HIBADH: variants seen among roughly 807,000 people sequenced by gnomAD.
HIBADH encodes the protein 3-hydroxyisobutyrate dehydrogenase, mitochondrial.
HIBADH carries 25 observed loss-of-function variants against 36.1 expected under a neutral mutation model. The observed-to-expected ratio is 0.69, with a 90% CI of 0.50 to 0.97. The LOEUF (loss-of-function observed/expected upper bound fraction) is 0.97, where lower values mean the gene tolerates loss of function less well. HIBADH is among the 50% of genes least tolerant of loss of function. The pLI is 0.00. For synonymous variants in HIBADH, 160 were observed against 149.5 expected, an observed-to-expected ratio of 1.07 and a Z score of -0.51; for missense variants, 421 against 418.0, an observed-to-expected ratio of 1.01 and a Z score of -0.06.
At chr7:27,588,953 C>T (rs1228835012) in intron 4 of HIBADH, among the ~76,000 whole-genome samples, 1 of 152,088 alleles carries the variant, frequency 6.6e-6, no homozygotes. Context: ...AGAGACCCGA[C>T]CACAGTTTTT....
chr7:27,587,984 G>A (rs1423857742), intron 4 of HIBADH, among the ~76,000 whole-genome samples: 5 of 152,192 alleles, frequency 3.3e-5, no homozygotes, highest in African/African-American at 4.8e-5. Flanking sequence ...GTCTGTTTAT[G>A]AATCATGCAA....
At chr7:27,615,926 TAG>T (rs1172083961) in intron 4 of HIBADH, among the ~76,000 whole-genome samples, 2 of 152,054 alleles carry the variant, frequency 1.3e-5, no homozygotes, top group African/African-American at 4.8e-5. Flanking sequence ...AGACAAGATG[TAG>T]AAGTGAAAGA....
chr7:27,649,765 G>A, intron 1 of HIBADH, 132 bp from the exon 2 acceptor site: 1 of 734,814 alleles, frequency 1.4e-6, no homozygotes, highest in Non-Finnish European at 2.1e-6. Context: ...AGGTGCAGTG[G>A]TGCACACCTA....
intron 4 of HIBADH, among the ~76,000 whole-genome samples, chr7:27,563,766 C>CT: frequency 6.6e-6 from 1 of 152,176 alleles, no homozygotes. Flanking sequence ...TTATTGTTGA[C>CT]TTTTGAGAAA....
At chr7:27,564,105 A>G (rs1244904743) in intron 4 of HIBADH, among the ~76,000 whole-genome samples, 3 of 151,998 alleles carry the variant, frequency 2.0e-5, no homozygotes, top group Non-Finnish European at 4.4e-5. Flanking sequence ...TCACCATGTT[A>G]GCCAGGATGG....
chr7:27,658,273 TAG>T lies in HIBADH; in HGVS notation c.91+4423_91+4424del, dbSNP rs1294713546. Among the ~76,000 whole-genome samples, 8 of 152,102 alleles carry T rather than the reference TAG, an allele frequency of 5.3e-5. 1 individual carries two copies. The East Asian group carries it at 1.5e-3, about 29-fold the overall frequency. On this transcript the variant is annotated intron_variant, in intron 1 of 7. Transcript: ENST00000265395. ...TTCTGACAGTAGTGCGTGGAAAAAG[TAG>T]AGTTAAAACATAAATAAAACCAAGC...
chr7:27,624,776 T>C (rs1356967635), intron 4 of HIBADH, among the ~76,000 whole-genome samples: 1 of 152,234 alleles, frequency 6.6e-6, no homozygotes, highest in Non-Finnish European at 1.5e-5. Context: ...TTATCTAATA[T>C]CTCTTGGTGT....
At chr7:27,613,667 T>TTTG (rs1554299062) in intron 4 of HIBADH, among the ~76,000 whole-genome samples, 4 of 50,298 alleles carry the variant, frequency 8.0e-5, no homozygotes, top group African/African-American at 2.4e-4. Context: ...TTTTTTTTGT[T>TTTG]TTTTTTTTTT....
At chr7:27,533,888 T>A (rs1459668771) in intron 6 of HIBADH, among the ~76,000 whole-genome samples, 4 of 152,214 alleles carry the variant, frequency 2.6e-5, no homozygotes, top group Non-Finnish European at 4.4e-5. Context: ...AAGAGCCCCA[T>A]TGCTGTTCAG....
intron 1 of HIBADH, among the ~76,000 whole-genome samples, chr7:27,661,583 C>T (rs1408530495): frequency 8.1e-4 from 29 of 35,886 alleles, no homozygotes; most frequent in Non-Finnish European, 4.6e-4. Flanking sequence ...GAGACCCTGT[C>T]TCAAAAAAAA....
chr7:27,553,207 T>C (rs1175759985), intron 4 of HIBADH, among the ~76,000 whole-genome samples: 2 of 152,102 alleles, frequency 1.3e-5, no homozygotes, highest in Non-Finnish European at 2.9e-5. Flanking sequence ...AGTTAAATAT[T>C]AAAGAAGGAA....
intron 4 of HIBADH, among the ~76,000 whole-genome samples, chr7:27,548,988 A>C (rs768194934): frequency 2.0e-5 from 3 of 152,224 alleles, no homozygotes; most frequent in Non-Finnish European, 4.4e-5. Context: ...AGGTATTCTG[A>C]ATCCATTTGT....
chr7:27,635,380 G>T (rs1785821421), intron 2 of HIBADH, among the ~76,000 whole-genome samples: 1 of 152,160 alleles, frequency 6.6e-6, no homozygotes, highest in Non-Finnish European at 1.5e-5. Context: ...AGCAAAGACA[G>T]CATGGATCAG....
intron 4 of HIBADH, among the ~76,000 whole-genome samples, chr7:27,622,250 A>G (rs575850765): frequency 5.9e-5 from 9 of 151,980 alleles, no homozygotes; most frequent in Non-Finnish European, 1.2e-4. Context: ...ATTTTTTTTT[A>G]AAAAAGTTAA....
chr7:27,579,126 T>C (rs559420045), intron 4 of HIBADH, among the ~76,000 whole-genome samples: 2 of 152,246 alleles, frequency 1.3e-5, no homozygotes, highest in South Asian at 4.1e-4. Context: ...AATTAGAAAA[T>C]CCAGTTATTT....
chr7:27,581,997 C>G (rs1043912492), intron 4 of HIBADH, among the ~76,000 whole-genome samples: 10 of 152,022 alleles, frequency 6.6e-5, no homozygotes, highest in African/African-American at 2.4e-4. Context: ...ATAAGAGATG[C>G]TTGTTTTCTC....
chr7:27,544,431 C>T (rs1342351106), intron 4 of HIBADH, among the ~76,000 whole-genome samples: 13 of 152,154 alleles, frequency 8.5e-5, no homozygotes. Flanking sequence ...CACCATTTTA[C>T]AATATCTTCA....
chr7:27,652,304 A>G (rs560628078), intron 1 of HIBADH, among the ~76,000 whole-genome samples: 1 of 152,294 alleles, frequency 6.6e-6, no homozygotes, highest in Admixed American at 6.5e-5. Context: ...ACAGCAAGAG[A>G]TTAAGATTAA....
intron 4 of HIBADH, among the ~76,000 whole-genome samples, chr7:27,582,584 C>G (rs908866245): frequency 3.3e-5 from 5 of 151,864 alleles, no homozygotes; most frequent in Non-Finnish European, 5.9e-5. Context: ...TATGATATAC[C>G]AGGCACTGGG....
Sources: allele counts gnomAD v4.1 joint callset (sites outside exome capture counted in the v4.1 genomes callset), GRCh38; gene constraint gnomAD v4.1.1; transcripts MANE v1.5; gene names NCBI Gene and HGNC (gene_info 2026-07-23, HGNC 2026-07-21).